The following OTUD7A variants were observed in gnomAD, a reference collection of about 807,000 sequenced individuals.
OTUD7A encodes OTU deubiquitinase 7A.
A neutral mutation model predicts 65.7 loss-of-function variants in OTUD7A; 12 were observed. The observed-to-expected ratio is 0.18, with a 90% CI of 0.12 to 0.30. The LOEUF (loss-of-function observed/expected upper bound fraction) is 0.30, where lower values mean the gene tolerates loss of function less well. Ranked by LOEUF, OTUD7A falls within the 10% of genes least tolerant of loss-of-function variation. The pLI, the probability that OTUD7A is intolerant of heterozygous loss-of-function variation, is 1.00. For missense variants in OTUD7A, 1,148 were observed against 1,304.8 expected, an observed-to-expected ratio of 0.88 and a Z score of 1.85; for synonymous variants, 641 against 586.3, an observed-to-expected ratio of 1.09 and a Z score of -1.35.
intron 1 of OTUD7A, among the ~76,000 whole-genome samples, chr15:31,747,913 G>C (rs1400801809): frequency 1.3e-5 from 2 of 152,050 alleles, no homozygotes; most frequent in African/African-American, 4.8e-5. Context: ...ATCCATAACA[G>C]GACTTTAAGA....
chr15:31,570,834 T>G (rs1273466640), intron 3 of OTUD7A, among the ~76,000 whole-genome samples: 2 of 152,062 alleles, frequency 1.3e-5, no homozygotes, highest in African/African-American at 4.8e-5. Context: ...TTCGCAGCAC[T>G]AGGCACAGCT....
chr15:31,687,266 C>T (rs538361529), intron 1 of OTUD7A, among the ~76,000 whole-genome samples: 5 of 152,034 alleles, frequency 3.3e-5, no homozygotes, highest in African/African-American at 7.2e-5. Flanking sequence ...GAGTGCACAT[C>T]GGGACAGTGT....
chr15:31,595,532 C>T (rs1227542582), intron 3 of OTUD7A, among the ~76,000 whole-genome samples: 1 of 152,222 alleles, frequency 6.6e-6, no homozygotes, highest in Non-Finnish European at 1.5e-5. Context: ...ACGGCTACAT[C>T]AAGTTCATCA....
At chr15:31,760,926 T>C (rs1167004808) in intron 1 of OTUD7A, among the ~76,000 whole-genome samples, 2 of 152,006 alleles carry the variant, frequency 1.3e-5, no homozygotes, top group South Asian at 2.1e-4. Context: ...TTGGGTTTTT[T>C]TGTTTTTTTG....
At chr15:31,825,215 C>T (rs2140976835) in intron 1 of OTUD7A, among the ~76,000 whole-genome samples, 1 of 152,326 alleles carries the variant, frequency 6.6e-6, no homozygotes, top group East Asian at 1.9e-4. Flanking sequence ...CATTTTCACA[C>T]TGCTGATAAA....
chr15:31,610,609 A>AT (rs1566942812), intron 3 of OTUD7A, among the ~76,000 whole-genome samples: 3 of 39,770 alleles, frequency 7.5e-5, no homozygotes, highest in South Asian at 8.6e-4. Flanking sequence ...ATATATATAT[A>AT]TATATATATT....
At chr15:31,860,477 T>C (rs1897688656) in intron 1 of OTUD7A, among the ~76,000 whole-genome samples, 1 of 151,430 alleles carries the variant, frequency 6.6e-6, no homozygotes, top group South Asian at 2.1e-4. Flanking sequence ...CTGAACAAGG[T>C]GCCTCAGAGA....
chr15:31,609,383 A>C (rs1186512798), intron 3 of OTUD7A, among the ~76,000 whole-genome samples: 1 of 152,182 alleles, frequency 6.6e-6, no homozygotes, highest in Non-Finnish European at 1.5e-5. Flanking sequence ...TAGCAGGCAC[A>C]CGGTGGAAGT....
At chr15:31,687,825 C>T (rs1270344382) in intron 1 of OTUD7A, among the ~76,000 whole-genome samples, 2 of 152,180 alleles carry the variant, frequency 1.3e-5, no homozygotes, top group Non-Finnish European at 2.9e-5. Context: ...TCAAGGGATG[C>T]TAAGATCACT....
rs555461373 is a variant in OTUD7A, at chr15:31,797,830, G to C, written c.-100+72677C>G. On this transcript the variant is annotated intron_variant, in intron 1 of 12. Transcript: ENST00000307050. The stretch of plus-strand genomic sequence containing the variant: ...GAAGTATCACAGCACATCAGTTATG[G>C]AACGTTGTATTAGTGTCCCAGTGCT... Among the ~76,000 whole-genome samples, 4 of 152,188 alleles carry C rather than the reference G, an allele frequency of 2.6e-5. 1 individual carries two copies. The South Asian group carries it at 8.3e-4, about 32-fold the overall frequency.
At chr15:31,833,499 C>T (rs1464993890) in intron 1 of OTUD7A, among the ~76,000 whole-genome samples, 1 of 152,246 alleles carries the variant, frequency 6.6e-6, no homozygotes, top group Non-Finnish European at 1.5e-5. Flanking sequence ...GAAACATTCT[C>T]ACGAATGGCA....
intron 3 of OTUD7A, among the ~76,000 whole-genome samples, chr15:31,632,791 T>A (rs1023232106): frequency 1.0e-4 from 8 of 79,468 alleles, no homozygotes; most frequent in African/African-American, 5.2e-4. Context: ...GCTTCCCGGC[T>A]GCTTTGTTTG....
chr15:31,642,204 G>A (rs577741926), intron 3 of OTUD7A, among the ~76,000 whole-genome samples: 2 of 152,288 alleles, frequency 1.3e-5, no homozygotes, highest in African/African-American at 4.8e-5. Flanking sequence ...ATGTTAATAT[G>A]GAAAATTATG....
chr15:31,867,020 G>A (rs1595825602), intron 1 of OTUD7A, among the ~76,000 whole-genome samples: 2 of 152,158 alleles, frequency 1.3e-5, no homozygotes, highest in Admixed American at 1.3e-4. Flanking sequence ...AACCTCAGTA[G>A]GAGAGAGGAG....
At chr15:31,561,296 TG>T (rs1432527867) in intron 4 of OTUD7A, among the ~76,000 whole-genome samples, 1 of 152,210 alleles carries the variant, frequency 6.6e-6, no homozygotes, top group Non-Finnish European at 1.5e-5. Flanking sequence ...AGTGGAGGCT[TG>T]TGTCTTTCTG....
chr15:31,819,523 T>C (rs1358361336), intron 1 of OTUD7A, among the ~76,000 whole-genome samples: 1 of 152,220 alleles, frequency 6.6e-6, no homozygotes, highest in Non-Finnish European at 1.5e-5. Context: ...TTTGTAGAGC[T>C]AAATAAATAA....
intron 1 of OTUD7A, among the ~76,000 whole-genome samples, chr15:31,780,489 G>A (rs1476314403): frequency 1.3e-5 from 2 of 152,208 alleles, no homozygotes; most frequent in Non-Finnish European, 2.9e-5. Flanking sequence ...AGGAGCCGGC[G>A]GGAGCTGTGG....
chr15:31,816,683 G>A (rs961260019), intron 1 of OTUD7A, among the ~76,000 whole-genome samples: 45 of 150,010 alleles, frequency 3.0e-4, no homozygotes, highest in African/African-American at 1.0e-3. Flanking sequence ...GCGAGACTCC[G>A]TCTCAAAAAA....
intron 8 of OTUD7A, among the ~76,000 whole-genome samples, chr15:31,517,982 C>G (rs2041883036): frequency 6.6e-6 from 1 of 152,242 alleles, no homozygotes; most frequent in African/African-American, 2.4e-5. Context: ...GATGAAGCCT[C>G]CCAGGTCCCT....
Sources: allele counts gnomAD v4.1 joint callset (sites outside exome capture counted in the v4.1 genomes callset), GRCh38; gene constraint gnomAD v4.1.1; transcripts MANE v1.5; gene names NCBI Gene and HGNC (gene_info 2026-07-23, HGNC 2026-07-21).